LARGE1: variants seen among roughly 807,000 people sequenced by gnomAD.
LARGE1 encodes the protein LARGE xylosyl- and glucuronyltransferase 1, also known as xylosyl- and glucuronyltransferase LARGE1.
LARGE1 carries 43 observed loss-of-function variants against 87.6 expected under a neutral mutation model. That is an observed-to-expected ratio of 0.49 (90% confidence interval 0.38 to 0.63). The LOEUF (loss-of-function observed/expected upper bound fraction) is 0.63, where lower values mean the gene tolerates loss of function less well. LARGE1 is among the 30% of genes least tolerant of loss of function. The pLI is 0.00. For synonymous variants in LARGE1, 434 were observed against 394.6 expected (o/e 1.10, Z -1.18); for missense variants, 802 against 1,000.2 (o/e 0.80, Z 2.67).
chr22:33,604,656 C>T (rs2079204812), intron 4 of LARGE1, 98 bp from the exon 5 acceptor site: 8 of 1,453,434 alleles, frequency 5.5e-6, no homozygotes, highest in African/African-American at 1.4e-5. Context: ...CGGTGGGGCA[C>T]GTTTCTAACG....
At chr22:33,435,728 C>T (rs1291955589) in intron 6 of LARGE1, among the ~76,000 whole-genome samples, 4 of 152,142 alleles carry the variant, frequency 2.6e-5, no homozygotes, top group African/African-American at 9.7e-5. Flanking sequence ...CCTAAAGTCA[C>T]GTTATCCCAA....
intron 1 of LARGE1, among the ~76,000 whole-genome samples, chr22:33,859,629 C>A (rs946564963): frequency 1.3e-5 from 2 of 152,156 alleles, no homozygotes; most frequent in Admixed American, 1.3e-4. Context: ...CAAACAGAGA[C>A]CGGGGCTTAA....
the LARGE1 span, among the ~76,000 whole-genome samples, chr22:33,086,821 G>A: frequency 6.6e-6 from 1 of 152,152 alleles, no homozygotes; most frequent in Non-Finnish European, 1.5e-5. Flanking sequence ...AAAGTGCTGG[G>A]ATTACAGGCG....
rs373811992 is a variant in LARGE1 at position 33,908,633 on chromosome 22, T to C, written c.-83+11362A>G. Among the ~76,000 whole-genome samples, 35 of 152,226 alleles carry C rather than the reference T, an allele frequency of 2.3e-4. 2 individuals are homozygous for C. The South Asian group carries it at 2.7e-3, about 12-fold the overall frequency. On this transcript the variant is annotated intron_variant, in intron 1 of 14. Coordinates refer to ENST00000397394, the MANE Select transcript of LARGE1 (RefSeq NM_133642.5). ...GCGTCCCAATATGACAGCTGAAGTT[T>C]TCCAGGGGCTGATGGTGAGCCAGTG...
chr22:33,781,259 G>A (rs961052730), intron 1 of LARGE1, among the ~76,000 whole-genome samples: 2 of 152,164 alleles, frequency 1.3e-5, no homozygotes, highest in Non-Finnish European at 2.9e-5. Context: ...AGCACTTTGG[G>A]AGGCCAAGAT....
At chr22:33,481,988 G>A (rs2069350225) in intron 6 of LARGE1, among the ~76,000 whole-genome samples, 1 of 152,078 alleles carries the variant, frequency 6.6e-6, no homozygotes, top group South Asian at 2.1e-4. Context: ...CAACTTCTTT[G>A]ATTTTCAGCT....
the LARGE1 span, among the ~76,000 whole-genome samples, chr22:33,133,174 G>A: frequency 6.6e-6 from 1 of 152,146 alleles, no homozygotes. Flanking sequence ...ACCTGTGCCA[G>A]GGCACTTATT....
At chr22:33,851,894 C>T (rs967534473) in intron 1 of LARGE1, among the ~76,000 whole-genome samples, 17 of 152,194 alleles carry the variant, frequency 1.1e-4, no homozygotes, top group African/African-American at 3.4e-4. Flanking sequence ...TGAGCTGAGA[C>T]TGGGGAATGT....
At chr22:33,676,544 A>G (rs1428333447) in intron 2 of LARGE1, among the ~76,000 whole-genome samples, 1 of 151,886 alleles carries the variant, frequency 6.6e-6, no homozygotes, top group East Asian at 1.9e-4. Context: ...AGCTAAATCT[A>G]CAATATCTGC....
intron 11 of LARGE1, among the ~76,000 whole-genome samples, chr22:33,210,303 C>T (rs762230763): frequency 7.2e-5 from 11 of 152,178 alleles, no homozygotes; most frequent in African/African-American, 2.4e-4. Flanking sequence ...GGCAGATAGA[C>T]GGGGGTGGCA....
chr22:33,218,061 C>G (rs1925290317), intron 11 of LARGE1, among the ~76,000 whole-genome samples: 1 of 152,092 alleles, frequency 6.6e-6, no homozygotes, highest in South Asian at 2.1e-4. Flanking sequence ...TCCCAAGCAG[C>G]TGGGATTACA....
chr22:33,807,429 T>A (rs1217138801), intron 1 of LARGE1, among the ~76,000 whole-genome samples: 1 of 152,174 alleles, frequency 6.6e-6, no homozygotes, highest in East Asian at 1.9e-4. Flanking sequence ...ATTTCCCATA[T>A]ACCTCCTGCT....
At chr22:33,599,289 C>T (rs1420149554) in intron 5 of LARGE1, among the ~76,000 whole-genome samples, 4 of 152,188 alleles carry the variant, frequency 2.6e-5, no homozygotes, top group South Asian at 2.1e-4. Context: ...GGTAATCATA[C>T]TTATCTTTCC....
intron 13 of LARGE1, among the ~76,000 whole-genome samples, chr22:33,278,524 G>A (rs1367665257): frequency 1.3e-5 from 2 of 151,420 alleles, no homozygotes; most frequent in Non-Finnish European, 2.9e-5. Context: ...CACTTACTGT[G>A]TACTGGGACT....
chr22:33,776,749 A>T (rs897318690), intron 1 of LARGE1, among the ~76,000 whole-genome samples: 1 of 152,218 alleles, frequency 6.6e-6, no homozygotes, highest in East Asian at 1.9e-4. Flanking sequence ...GACTTGTCTA[A>T]CGTGCAGTGT....
At chr22:33,669,619 G>A (rs1399927909) in intron 2 of LARGE1, among the ~76,000 whole-genome samples, 1 of 152,160 alleles carries the variant, frequency 6.6e-6, no homozygotes, top group Non-Finnish European at 1.5e-5. Context: ...TGAGGCCTGG[G>A]GAGACCTTTC....
chr22:33,622,072 C>A (rs2079771057), intron 4 of LARGE1, among the ~76,000 whole-genome samples: 1 of 152,154 alleles, frequency 6.6e-6, no homozygotes, highest in East Asian at 1.9e-4. Context: ...TACTTGGCAA[C>A]CTCCTGGTGC....
intron 1 of LARGE1, among the ~76,000 whole-genome samples, chr22:33,781,263 C>T (rs1225081429): frequency 6.6e-6 from 1 of 152,106 alleles, no homozygotes; most frequent in Non-Finnish European, 1.5e-5. Flanking sequence ...CTTTGGGAGG[C>T]CAAGATGGGT....
intron 1 of LARGE1, among the ~76,000 whole-genome samples, chr22:33,821,594 G>C (rs967321397): frequency 8.5e-5 from 13 of 152,186 alleles, no homozygotes; most frequent in Non-Finnish European, 2.9e-5. Flanking sequence ...GAGCGTCTAA[G>C]AGCATGCCGA....
Sources: gnomAD v4.1 joint callset for allele counts (sites outside exome capture counted in the v4.1 genomes callset) on GRCh38, gnomAD v4.1.1 for gene constraint, MANE v1.5 for transcripts, NCBI Gene and HGNC (gene_info 2026-07-23, HGNC 2026-07-21) for gene names.